Variants in VRK2 observed in about 807,000 individuals in gnomAD.
VRK2 encodes the protein VRK serine/threonine kinase 2, also known as serine/threonine-protein kinase VRK2.
Under a neutral mutation model 57.6 loss-of-function variants are expected in VRK2, and 60 were observed. The observed-to-expected ratio is 1.04, with a 90% CI of 0.85 to 1.29. The LOEUF is 1.29. Among genes scored for constraint, VRK2 ranks in the 50% most tolerant of loss-of-function variants. The probability of loss-of-function intolerance (pLI) is 0.00; values close to 1 mark genes in which losing one functional copy is unlikely to be tolerated. For synonymous variants in VRK2, 231 were observed against 199.2 expected, an observed-to-expected ratio of 1.16 and a Z score of -1.35; for missense variants, 705 against 588.1, an observed-to-expected ratio of 1.20 and a Z score of -2.06.
chr2:58,058,613 A>G (rs747163586), intron 2 of VRK2: 9 of 246,756 alleles, frequency 3.6e-5, no homozygotes, highest in Middle Eastern at 4.8e-4. Flanking sequence ...AAAGAGTAGT[A>G]GATGTGTCAG....
intron 12 of VRK2, 66 bp downstream of exon 12, chr2:58,146,540 T>G (rs1161395222): frequency 6.6e-7 from 1 of 1,526,526 alleles, no homozygotes; most frequent in African/African-American, 1.4e-5. Context: ...CCTTTGGGAA[T>G]AAAAACATCT....
chr2:57,964,965 A>G (rs1053911019), intron 1 of VRK2, among the ~76,000 whole-genome samples: 1 of 151,872 alleles, frequency 6.6e-6, no homozygotes, highest in Non-Finnish European at 1.5e-5. Flanking sequence ...TCTAATCACT[A>G]TATCACCAGC....
rs1256363642 is a variant in VRK2 at position 58,139,696 on chromosome 2, A to G, written c.887A>G (p.His296Arg). 1.9e-6 allele frequency: 3 copies of G among 1,612,768 alleles called. No individual in the cohort carries two copies. Among genetic ancestry groups the G allele is most frequent in the Non-Finnish European group, 2.5e-6 (3 of 1,179,292 alleles). ...ATAGCCCAATTTTTGGTATGTGCTCATAGTTTAGCATATGATGAAAAGCCA... is the reference window on the plus strand; with the variant it reads ...ATAGCCCAATTTTTGGTATGTGCTCGTAGTTTAGCATATGATGAAAAGCCA... ...CEIAQFLVCA[H>R]SLAYDEKPNY... is the part of the protein sequence containing the mutation. The change falls in exon 11 of 13, where the codon CAT (histidine) becomes CGT (arginine). Residue 296 changes from histidine to arginine, a missense_variant. Physicochemically the swap from His to Arg is conservative, Grantham distance 29. Coordinates refer to ENST00000340157, the MANE Select transcript of VRK2 (RefSeq NM_006296.7).
intron 12 of VRK2, among the ~76,000 whole-genome samples, chr2:58,157,253 C>CTAT (rs1684029758): frequency 6.6e-6 from 1 of 152,112 alleles, no homozygotes; most frequent in Non-Finnish European, 1.5e-5. Flanking sequence ...AGTAGTGTTG[C>CTAT]TATTTTTCAT....
At chr2:57,996,086 G>C (rs1349414349) in intron 1 of VRK2, among the ~76,000 whole-genome samples, 1 of 152,116 alleles carries the variant, frequency 6.6e-6, no homozygotes, top group Non-Finnish European at 1.5e-5. Context: ...AAGTAACCTA[G>C]AGCATACGGG....
At chr2:58,082,355 A>G (rs1452090229) in intron 2 of VRK2, among the ~76,000 whole-genome samples, 1 of 151,676 alleles carries the variant, frequency 6.6e-6, no homozygotes, top group Admixed American at 6.6e-5. Context: ...AGCTCATTAC[A>G]TTCTGTTGGG....
intron 1 of VRK2, among the ~76,000 whole-genome samples, chr2:57,930,325 T>C (rs1399020568): frequency 6.6e-6 from 1 of 152,184 alleles, no homozygotes; most frequent in African/African-American, 2.4e-5. Context: ...CCCATGTTGC[T>C]TTCCACTGTG....
chr2:58,060,329 G>T (rs1397824598), intron 2 of VRK2, among the ~76,000 whole-genome samples: 1 of 151,902 alleles, frequency 6.6e-6, no homozygotes, highest in Non-Finnish European at 1.5e-5. Context: ...GTTTAATGTA[G>T]ATTGACTATA....
At chr2:58,028,673 G>T (rs538732199) in intron 2 of VRK2, among the ~76,000 whole-genome samples, 2 of 151,216 alleles carry the variant, frequency 1.3e-5, no homozygotes, top group Non-Finnish European at 2.9e-5. Context: ...ACTCATAGGT[G>T]GGAACTGAAC....
chr2:58,106,106 A>G (rs1327285686), intron 7 of VRK2, among the ~76,000 whole-genome samples: 1 of 151,904 alleles, frequency 6.6e-6, no homozygotes, highest in Non-Finnish European at 1.5e-5. Flanking sequence ...TGCTTTTTTA[A>G]TTTTGTTAAT....
In VRK2 at chr2:57,989,314, G is replaced by A. The variant is rs116150146; in HGVS notation, c.-438-36351G>A. On this transcript the variant is annotated intron_variant, in intron 1 of 15. Coordinates refer to the VRK2 transcript ENST00000417641. The stretch of plus-strand genomic sequence containing the variant: ...CTTTTTGTGTCCAGAAAGTGATTGG[G>A]TGGTATTTTATCTGCTAAGCCTGCC... 5.8e-3 allele frequency among the ~76,000 whole-genome samples: 889 copies of A among 152,238 alleles called. 9 individuals carry two copies. Among genetic ancestry groups the A allele is most frequent in the African/African-American group, 0.02 (836 of 41,526 alleles).
chr2:58,027,679 GC>G (rs1383530314), intron 2 of VRK2, among the ~76,000 whole-genome samples: 1 of 152,016 alleles, frequency 6.6e-6, no homozygotes, highest in Admixed American at 6.6e-5. Context: ...GTAACTATTG[GC>G]CCCTATAAAG....
chr2:58,086,255 A>C, intron 4 of VRK2, 84 bp from the exon 5 acceptor site: 2 of 1,193,480 alleles, frequency 1.7e-6, no homozygotes, highest in Admixed American at 4.9e-5. Flanking sequence ...TTTTTTGGTT[A>C]GCTAAATAAA....
chr2:58,105,672 T>C (rs1388277904), intron 7 of VRK2, among the ~76,000 whole-genome samples: 1 of 151,702 alleles, frequency 6.6e-6, no homozygotes, highest in East Asian at 1.9e-4. Context: ...GAAAATGGCA[T>C]TTCTGAATTT....
chr2:58,139,704 G>C lies in VRK2; in HGVS notation c.895G>C (p.Ala299Pro). The stretch of plus-strand genomic sequence containing the variant: ...ATTTTTGGTATGTGCTCATAGTTTA[G>C]CATATGATGAAAAGCCAAACTATCA... ...AQFLVCAHSLAYDEKPNYQAL... is the reference protein window; with the variant it reads ...AQFLVCAHSLPYDEKPNYQAL... Residue 299 changes from alanine (A) to proline (P), a missense_variant, in exon 11 of 13, where the codon GCA becomes CCA. Physicochemically the swap from Ala to Pro is conservative, Grantham distance 27. Transcript: ENST00000340157. 1 of 1,613,010 alleles carries C rather than the reference G, an allele frequency of 6.2e-7. No homozygotes were observed. The highest frequency in any genetic ancestry group is 1.1e-5 in the South Asian group (1 of 91,026).
intron 7 of VRK2, among the ~76,000 whole-genome samples, chr2:58,111,319 C>A (rs570051009): frequency 1.3e-5 from 2 of 152,192 alleles, no homozygotes; most frequent in East Asian, 3.9e-4. Context: ...GCAAGAAAAT[C>A]ATGTGAGAGT....
intron 1 of VRK2, among the ~76,000 whole-genome samples, chr2:57,938,343 A>G (rs1305257413): frequency 6.6e-6 from 1 of 152,218 alleles, no homozygotes; most frequent in Non-Finnish European, 1.5e-5. Context: ...GGAGAGGACC[A>G]TGGGCAAGAC....
chr2:58,049,930 T>A (rs538742615), intron 2 of VRK2, among the ~76,000 whole-genome samples: 2 of 152,336 alleles, frequency 1.3e-5, no homozygotes, highest in South Asian at 4.1e-4. Context: ...ATCTGCTTAT[T>A]AAATACTTAA....
At position 58,046,838 on chromosome 2, in the gene VRK2, G is replaced by A; in HGVS notation, c.-36G>A. 2 of 985,438 alleles carry A rather than the reference G, an allele frequency of 2.0e-6. No individual in the cohort carries two copies. Among genetic ancestry groups the A allele is most frequent in the Non-Finnish European group, 2.4e-6 (2 of 829,926 alleles). 61.0% of individuals were successfully genotyped at this position (985,438 alleles called of 1,614,324 possible). ...CAGCGGCAGGTAGGAGGCGGTGCGC[G>A]CGGCCCGGCGACGGGGGATCCTGAG... On this transcript the variant is annotated 5_prime_UTR_variant, in exon 1 of 13. Coordinates refer to ENST00000340157, the MANE Select transcript of VRK2 (RefSeq NM_006296.7).
Sources: allele counts gnomAD v4.1 joint callset (sites outside exome capture counted in the v4.1 genomes callset), GRCh38; gene constraint gnomAD v4.1.1; transcripts MANE v1.5; gene names NCBI Gene and HGNC (gene_info 2026-07-23, HGNC 2026-07-21).